Variants in SMOC2 observed in about 807,000 individuals in gnomAD.
SMOC2 encodes the protein SPARC related modular calcium binding 2, also known as SPARC-related modular calcium-binding protein 2.
SMOC2 carries 39 observed loss-of-function variants against 61.4 expected under a neutral mutation model. The observed-to-expected ratio is 0.64, with a 90% CI of 0.49 to 0.83. SMOC2 has a LOEUF of 0.83. Among genes scored for constraint, SMOC2 ranks in the 40% least tolerant of loss-of-function variants. SMOC2 has a pLI of 0.00. For missense variants in SMOC2, 556 were observed against 592.9 expected (o/e 0.94, Z 0.65); for synonymous variants, 247 against 239.9 (o/e 1.03, Z -0.27).
At chr6:168,565,293 G>A (rs529736804) in intron 7 of SMOC2, among the ~76,000 whole-genome samples, 2 of 152,212 alleles carry the variant, frequency 1.3e-5, no homozygotes, top group Admixed American at 6.5e-5. Flanking sequence ...TCCTATCACT[G>A]TTCTGAGGGC....
At chr6:168,623,325 ATTAAT>A (rs1447373947) in intron 9 of SMOC2, among the ~76,000 whole-genome samples, 1 of 82,052 alleles carries the variant, frequency 1.2e-5, no homozygotes. Context: ...GACATGGATA[ATTAAT>A]TTTTTTTTTT....
At chr6:168,545,600 G>A (rs754187413) in intron 5 of SMOC2, among the ~76,000 whole-genome samples, 1 of 152,216 alleles carries the variant, frequency 6.6e-6, no homozygotes, top group Non-Finnish European at 1.5e-5. Context: ...GCAGGAAGGA[G>A]AGCGGCCTCT....
intron 1 of SMOC2, among the ~76,000 whole-genome samples, chr6:168,483,330 A>G (rs987709404): frequency 1.3e-5 from 2 of 152,094 alleles, no homozygotes; most frequent in African/African-American, 2.4e-5. Flanking sequence ...CATAAAAACA[A>G]TTCTGTTCAA....
intron 7 of SMOC2, among the ~76,000 whole-genome samples, chr6:168,574,099 T>C (rs954606967): frequency 6.6e-6 from 1 of 152,240 alleles, no homozygotes; most frequent in African/African-American, 2.4e-5. Context: ...GCACTCAATA[T>C]TTCCTGCAGC....
At chr6:168,511,092 G>T (rs1243805693) in intron 2 of SMOC2, among the ~76,000 whole-genome samples, 2 of 152,128 alleles carry the variant, frequency 1.3e-5, no homozygotes, top group African/African-American at 4.8e-5. Context: ...TAATGATGCT[G>T]GGACATTCTG....
At position 168,535,245 on chromosome 6, in the gene SMOC2, C is replaced by T. The variant is rs1011955760; in HGVS notation, c.463+7518C>T. Among the ~76,000 whole-genome samples the T allele has an allele frequency of 1.1e-4, 16 of 152,254 alleles. No individual in the cohort carries two copies. In the East Asian group the frequency reaches 3.1e-3, roughly 29 times the overall value. The stretch of plus-strand genomic sequence containing the variant: ...TTGGCCTCCCAAAGTGCTGGGATTA[C>T]AGGCAGGAGCCACCGTGCCCAGCCT... On this transcript the variant is annotated intron_variant, in intron 4 of 12. Transcript: ENST00000356284. The surrounding 1 kb of genome is among the most constrained non-coding windows in gnomAD (Gnocchi z 4.6).
chr6:168,551,443 A>G (rs1043459208), intron 7 of SMOC2, among the ~76,000 whole-genome samples: 1 of 102,524 alleles, frequency 9.8e-6, no homozygotes, highest in East Asian at 2.7e-4. Flanking sequence ...TTATTTATTT[A>G]TTTATTTATT....
intron 7 of SMOC2, among the ~76,000 whole-genome samples, chr6:168,555,441 C>T (rs941905776): frequency 6.6e-6 from 1 of 152,020 alleles, no homozygotes; most frequent in African/African-American, 2.4e-5. Context: ...CCACCAGGGG[C>T]CAAGCAGGGA....
chr6:168,592,248 A>G (rs12204040), intron 7 of SMOC2, among the ~76,000 whole-genome samples: 20 of 151,850 alleles, frequency 1.3e-4, no homozygotes, highest in African/African-American at 4.3e-4. Context: ...TGCGCCCTTC[A>G]TGCTTCCTAA....
chr6:168,566,800 A>G (rs1012332761), intron 7 of SMOC2, among the ~76,000 whole-genome samples: 2 of 152,122 alleles, frequency 1.3e-5, no homozygotes, highest in African/African-American at 4.8e-5. Context: ...TGCCCAGCCT[A>G]TTGTAGCACT....
At position 168,503,739 on chromosome 6, in the gene SMOC2, C is replaced by T. The variant is rs531399743; in HGVS notation, c.85-6176C>T. Among the ~76,000 whole-genome samples, 45 of 152,232 alleles carry T rather than the reference C, an allele frequency of 3.0e-4. No homozygotes were observed. In the East Asian group the frequency reaches 6.4e-3, roughly 22 times the overall value. On this transcript the variant is annotated intron_variant, in intron 1 of 12. Transcript: ENST00000356284. Reference sequence around the variant, plus strand: ...CCCATTTGTGCTAGGAACATGATGCCGGCTCAGTGTCCCGCAGAGGCTGTG... The same window carrying T: ...CCCATTTGTGCTAGGAACATGATGCTGGCTCAGTGTCCCGCAGAGGCTGTG...
intron 1 of SMOC2, among the ~76,000 whole-genome samples, chr6:168,469,208 A>G (rs1470708281): frequency 6.6e-6 from 1 of 152,234 alleles, no homozygotes; most frequent in Non-Finnish European, 1.5e-5. Context: ...ACTGGTAAAA[A>G]GAGATAAGAG....
intron 1 of SMOC2, among the ~76,000 whole-genome samples, chr6:168,484,410 A>G (rs962144840): frequency 6.6e-6 from 1 of 152,234 alleles, no homozygotes; most frequent in African/African-American, 2.4e-5. Flanking sequence ...CACACCCATT[A>G]TAATAGCTAC....
chr6:168,560,337 A>G (rs555424047), intron 7 of SMOC2, among the ~76,000 whole-genome samples: 1 of 152,366 alleles, frequency 6.6e-6, no homozygotes, highest in East Asian at 1.9e-4. Context: ...ATTGTAAAGC[A>G]CCTTCTTCAG....
At chr6:168,507,605 C>A (rs1782906214) in intron 1 of SMOC2, among the ~76,000 whole-genome samples, 1 of 152,250 alleles carries the variant, frequency 6.6e-6, no homozygotes. Context: ...GCGCCCCCCA[C>A]TGCTGGAAGA....
At chr6:168,656,676 C>G (rs1306383847) in intron 11 of SMOC2, among the ~76,000 whole-genome samples, 1 of 152,060 alleles carries the variant, frequency 6.6e-6, no homozygotes, top group East Asian at 1.9e-4. Context: ...TTCTCAGTGT[C>G]CTAGTGCTTG....
At chr6:168,612,943 G>T (rs747669995) in intron 9 of SMOC2, among the ~76,000 whole-genome samples, 2 of 152,200 alleles carry the variant, frequency 1.3e-5, no homozygotes, top group South Asian at 2.1e-4. Context: ...CAAAATAAGT[G>T]ATTTCATGGC....
At chr6:168,608,353 C>T in intron 9 of SMOC2, 114 bp downstream of exon 9, 1 of 1,160,482 alleles carries the variant, frequency 8.6e-7, no homozygotes, top group South Asian at 1.5e-5. Context: ...GCCTGTCTGA[C>T]TCTGAGGCCT....
intron 2 of SMOC2, among the ~76,000 whole-genome samples, chr6:168,521,302 C>T (rs1217778887): frequency 1.3e-5 from 2 of 152,174 alleles, no homozygotes; most frequent in Non-Finnish European, 2.9e-5. Flanking sequence ...GTGCCCACCA[C>T]CAAACCTGGC....
Sources: gnomAD v4.1 joint callset for allele counts (sites outside exome capture counted in the v4.1 genomes callset) on GRCh38, gnomAD v4.1.1 for gene constraint, Gnocchi (gnomAD v3.1) non-coding constraint, MANE v1.5 for transcripts, NCBI Gene and HGNC (gene_info 2026-07-23, HGNC 2026-07-21) for gene names.